Variants in PLD1 observed in about 807,000 individuals in gnomAD.
PLD1 encodes choline phosphatase 1.
In PLD1, 112 loss-of-function variants were observed where a neutral mutation model predicts 137.1. That is an observed-to-expected ratio of 0.82 (90% confidence interval 0.70 to 0.96). The LOEUF (loss-of-function observed/expected upper bound fraction) is 0.96, where lower values mean the gene tolerates loss of function less well. Ranked by LOEUF, PLD1 falls within the 40% of genes least tolerant of loss-of-function variation. The pLI is 0.00. For missense variants in PLD1, 1,321 were observed against 1,342.0 expected, an observed-to-expected ratio of 0.98 and a Z score of 0.24; for synonymous variants, 431 against 454.7, an observed-to-expected ratio of 0.95 and a Z score of 0.66.
Position 171,659,232 on chromosome 3 carries a change from T to G in PLD1, c.2410A>C (p.Arg804=). Residue 804 remains arginine, a synonymous_variant, in exon 21 of 27, where the codon AGG becomes CGG. Transcript: ENST00000351298. The part of the protein sequence containing the change: ...FNKIGDAIAQ[R]ILKAHRENQK... ...TGTTACCTGTGAGCTTTCAGGATCC[T>G]CTGGGCAATGGCATCGCCTATCTTG... 1 of 1,612,598 alleles carries G rather than the reference T, an allele frequency of 6.2e-7. No individual in the cohort carries two copies. Among genetic ancestry groups the G allele is most frequent in the Non-Finnish European group, 8.5e-7 (1 of 1,178,546 alleles).
At chr3:171,716,485 T>A (rs1261958784) in intron 8 of PLD1, among the ~76,000 whole-genome samples, 1 of 152,262 alleles carries the variant, frequency 6.6e-6, no homozygotes. Context: ...ATTTCTCTAA[T>A]GATCAGTGAT....
At chr3:171,668,060 T>C (rs1420029857) in intron 19 of PLD1, among the ~76,000 whole-genome samples, 1 of 152,190 alleles carries the variant, frequency 6.6e-6, no homozygotes, top group Non-Finnish European at 1.5e-5. Flanking sequence ...CCCCCACTAG[T>C]TACCGTTATT....
intron 24 of PLD1, among the ~76,000 whole-genome samples, chr3:171,619,475 T>G (rs1733406862): frequency 6.6e-6 from 1 of 152,186 alleles, no homozygotes; most frequent in African/African-American, 2.4e-5. Context: ...CAGACCTTAG[T>G]GCAGGGCTAC....
chr3:171,611,409 A>C (rs956060837), intron 25 of PLD1: 15 of 341,240 alleles, frequency 4.4e-5, no homozygotes, highest in Non-Finnish European at 8.8e-5. Context: ...AAGGTTCTAG[A>C]GGGACCACTG....
intron 1 of PLD1, among the ~76,000 whole-genome samples, chr3:171,756,818 G>C (rs1053385867): frequency 1.3e-5 from 2 of 152,144 alleles, no homozygotes; most frequent in Non-Finnish European, 2.9e-5. Flanking sequence ...AGAAAGAGAA[G>C]GGAACAACGT....
rs772916052 is a variant in PLD1, at chr3:171,674,548, G to C, written c.2181C>G (p.Ala727=). ...CAGGCACTTGATATCTCAACTCATG[G>C]GCTGTTGTTTGAGACTTTGGAAGCA... ...PFLLPKSQTT[A]HELRYQVPGS... is the part of the protein sequence containing the mutation. The change falls in exon 19 of 27, where the codon GCC becomes GCG. Residue 727 remains alanine (A), a synonymous_variant. Coordinates refer to ENST00000351298, the MANE Select transcript of PLD1 (RefSeq NM_002662.5). The C allele has an allele frequency of 1.2e-6, 2 of 1,611,300 alleles. No homozygotes were observed. Among genetic ancestry groups the C allele is most frequent in the South Asian group, 1.1e-5 (1 of 90,972 alleles).
intron 25 of PLD1, among the ~76,000 whole-genome samples, chr3:171,610,031 T>C (rs1479612493): frequency 1.3e-5 from 2 of 152,174 alleles, no homozygotes; most frequent in African/African-American, 4.8e-5. Context: ...TGAATTAAAA[T>C]GGTGAAATTC....
At chr3:171,621,148 TA>T (rs1733604201) in intron 23 of PLD1, among the ~76,000 whole-genome samples, 1 of 152,104 alleles carries the variant, frequency 6.6e-6, no homozygotes, top group African/African-American at 2.4e-5. Flanking sequence ...CTTACTACAT[TA>T]GACTTAGAAT....
At chr3:171,798,954 A>T (rs1335605191) in intron 1 of PLD1, among the ~76,000 whole-genome samples, 2 of 152,168 alleles carry the variant, frequency 1.3e-5, no homozygotes, top group East Asian at 1.9e-4. Context: ...CTAAGCCACT[A>T]ACCAACACCT....
At chr3:171,615,884 G>A (rs992779581) in intron 24 of PLD1, among the ~76,000 whole-genome samples, 21 of 152,168 alleles carry the variant, frequency 1.4e-4, no homozygotes, top group Non-Finnish European at 2.4e-4. Context: ...GTATGTAGGC[G>A]TGGGTTGCTA....
Position 171,734,948 on chromosome 3 carries a change from C to A in PLD1, c.457G>T (p.Val153Phe), listed in dbSNP as rs780832582. Residue 153 changes from valine (V) to phenylalanine (F), a missense_variant, in exon 5 of 27, where the codon GTC becomes TTC. Val to Phe is a conservative substitution (Grantham distance 50). Transcript: ENST00000351298. ...TRRHTFRRQNVREEPREMPSL... is the reference protein window; with the variant it reads ...TRRHTFRRQNFREEPREMPSL... ...GGCATCTCTCGAGGCTCCTCTCTGA[C>A]GTTTTGCCTCCTAAACGTGTGTCTA... The A allele has an allele frequency of 6.2e-7, 1 of 1,611,794 alleles. No individual in the cohort carries two copies. The highest frequency in any genetic ancestry group is 1.7e-5 in the Admixed American group (1 of 60,008).
At chr3:171,669,358 C>G (rs1390036353) in intron 19 of PLD1, among the ~76,000 whole-genome samples, 9 of 150,958 alleles carry the variant, frequency 6.0e-5, no homozygotes, top group Non-Finnish European at 1.3e-4. Flanking sequence ...CTAGAACAAG[C>G]TTGGTGACCT....
At chr3:171,748,266 A>G (rs1221441005) in intron 1 of PLD1, among the ~76,000 whole-genome samples, 1 of 152,234 alleles carries the variant, frequency 6.6e-6, no homozygotes, top group Non-Finnish European at 1.5e-5. Context: ...CAGACTTTGT[A>G]CAACCGCTGG....
rs372390752 is a variant in PLD1, at chr3:171,603,107, C to A, written c.3196G>T (p.Ala1066Ser). The change falls in exon 27 of 27, where the codon GCC becomes TCC. Residue 1066 changes from alanine to serine, a missense_variant. Ala to Ser is a moderately conservative substitution (Grantham distance 99). Coordinates refer to ENST00000351298, the MANE Select transcript of PLD1 (RefSeq NM_002662.5). ...GTCCAAACCTCCATGGGCACTATGGCCTCTTTGGTCCCAACAGAAGGCAGT... is the reference window on the plus strand; with the variant it reads ...GTCCAAACCTCCATGGGCACTATGGACTCTTTGGTCCCAACAGAAGGCAGT... ...SLLPSVGTKE[A>S]IVPMEVWT 3.1e-6 allele frequency: 5 copies of A among 1,613,778 alleles called. No individual in the cohort carries two copies. The African/African-American group carries it at 5.3e-5, about 17-fold the overall frequency.
intron 1 of PLD1, among the ~76,000 whole-genome samples, chr3:171,807,562 T>C (rs1723901080): frequency 6.6e-6 from 1 of 152,042 alleles, no homozygotes; most frequent in Admixed American, 6.6e-5. Context: ...AAAGTGAAAT[T>C]ATAAGAGAAA....
chr3:171,715,587 C>T (rs1251672874), intron 8 of PLD1, among the ~76,000 whole-genome samples: 1 of 151,534 alleles, frequency 6.6e-6, no homozygotes, highest in Non-Finnish European at 1.5e-5. Context: ...AGTATTAATT[C>T]TTCTGATCCT....
chr3:171,790,455 A>G (rs1723170646), intron 1 of PLD1, among the ~76,000 whole-genome samples: 1 of 152,218 alleles, frequency 6.6e-6, no homozygotes, highest in African/African-American at 2.4e-5. Flanking sequence ...GAAAGACACT[A>G]AAGAATCTCA....
chr3:171,676,658 T>C, intron 18 of PLD1, 57 bp downstream of exon 18: 1 of 1,326,654 alleles, frequency 7.5e-7, no homozygotes, highest in Non-Finnish European at 1.1e-6. Flanking sequence ...AAACCTCTTC[T>C]CTAGTTAGGC....
At chr3:171,710,131 A>G (rs377430479) in intron 9 of PLD1, among the ~76,000 whole-genome samples, 6 of 151,682 alleles carry the variant, frequency 4.0e-5, no homozygotes, top group Non-Finnish European at 7.4e-5. Flanking sequence ...GGCGCGATCT[A>G]GGCTCACTGC....
Sources: allele counts gnomAD v4.1 joint callset (sites outside exome capture counted in the v4.1 genomes callset), GRCh38; gene constraint gnomAD v4.1.1; transcripts MANE v1.5; gene names NCBI Gene and HGNC (gene_info 2026-07-23, HGNC 2026-07-21).